Variants in CENPC observed in about 807,000 individuals in gnomAD.
The protein encoded by CENPC is CENP-C 1.
Under a neutral mutation model 112.1 loss-of-function variants are expected in CENPC, and 63 were observed. The observed-to-expected ratio is 0.56, with a 90% confidence interval of 0.46 to 0.69. The LOEUF is 0.69. Among genes scored for constraint, CENPC ranks in the 30% least tolerant of loss-of-function variants. The pLI is 0.00. For synonymous variants in CENPC, 333 were observed against 367.6 expected, an observed-to-expected ratio of 0.91 and a Z score of 1.08; for missense variants, 1,000 against 1,103.8, an observed-to-expected ratio of 0.91 and a Z score of 1.33.
chr4:67,545,479 G>T lies in CENPC; in HGVS notation c.-124C>A. The T allele has an allele frequency of 1.0e-6, 1 of 992,944 alleles. No homozygotes were observed. The highest frequency in any genetic ancestry group is 1.4e-6 in the Non-Finnish European group (1 of 735,374). 61.5% of individuals were successfully genotyped at this position (992,944 alleles called of 1,614,324 possible). On this transcript the variant is annotated 5_prime_UTR_variant, in exon 1 of 19. Transcript: ENST00000273853. ...GGCCGCGGCCAAGCAATAACCTTAA[G>T]TCTCAGGCGACTGCCGCGAGAGCTG...
chr4:67,507,492 T>C (rs1054060244), intron 10 of CENPC, among the ~76,000 whole-genome samples: 2 of 152,174 alleles, frequency 1.3e-5, no homozygotes, highest in Admixed American at 6.6e-5. Flanking sequence ...TAGGAACAAC[T>C]GTATGCCAAC....
chr4:67,522,985 G>A (rs1032027424), intron 5 of CENPC, among the ~76,000 whole-genome samples: 13 of 151,840 alleles, frequency 8.6e-5, no homozygotes, highest in African/African-American at 3.1e-4. Context: ...GGGTGATAAG[G>A]GCAAAATTCC....
Position 67,491,511 on chromosome 4 carries a change from A to AGG in CENPC, c.2515+668_2515+669insCC, listed in dbSNP as rs574725573. 7.3e-3 allele frequency among the ~76,000 whole-genome samples: 838 copies of AGG among 114,086 alleles called. 13 individuals are homozygous for AGG. Among genetic ancestry groups the AGG allele is most frequent in the East Asian group, 0.031 (55 of 1,782 alleles). 74.8% of individuals were successfully genotyped at this position (114,086 alleles called of 152,430 possible). ...GAGAGAGAGAGAGAGAGAGAGAGAG[A>AGG]GAGAGAGAGAGAGAGAGCCTGGTTG... On this transcript the variant is annotated intron_variant, in intron 16 of 18. Transcript: ENST00000273853.
At chr4:67,473,223 G>A (rs1011986493) in intron 18 of CENPC, among the ~76,000 whole-genome samples, 6 of 151,854 alleles carry the variant, frequency 4.0e-5, no homozygotes, top group Non-Finnish European at 8.8e-5. Context: ...GAGCCACCGC[G>A]CCCGGCCAAA....
At chr4:67,516,373 C>T (rs1424221130) in intron 7 of CENPC, among the ~76,000 whole-genome samples, 1 of 151,948 alleles carries the variant, frequency 6.6e-6, no homozygotes, top group Non-Finnish European at 1.5e-5. Context: ...AGCTGGCATA[C>T]GCACTCGTTT....
chr4:67,518,431 C>T, intron 6 of CENPC, 63 bp from the exon 7 acceptor site: 1 of 1,430,426 alleles, frequency 7.0e-7, no homozygotes, highest in Non-Finnish European at 9.1e-7. Flanking sequence ...TATAAGTCTT[C>T]CTGAACTCCT....
intron 9 of CENPC, among the ~76,000 whole-genome samples, chr4:67,509,690 CA>C (rs1725841061): frequency 6.6e-6 from 1 of 152,060 alleles, no homozygotes; most frequent in African/African-American, 2.4e-5. Context: ...TAATGCCTTT[CA>C]AATCTTTCAA....
intron 12 of CENPC, among the ~76,000 whole-genome samples, chr4:67,496,266 T>C (rs1376203091): frequency 6.6e-6 from 1 of 152,188 alleles, no homozygotes; most frequent in Non-Finnish European, 1.5e-5. Context: ...ATTTGAACTT[T>C]CAGATGACTC....
At chr4:67,511,366 G>A (rs1356885785) in intron 9 of CENPC, among the ~76,000 whole-genome samples, 1 of 152,096 alleles carries the variant, frequency 6.6e-6, no homozygotes, top group Non-Finnish European at 1.5e-5. Flanking sequence ...ATGCCCCAAA[G>A]TCAATAGTAT....
intron 10 of CENPC, among the ~76,000 whole-genome samples, chr4:67,507,536 C>T (rs1327706425): frequency 6.6e-6 from 1 of 152,096 alleles, no homozygotes; most frequent in Non-Finnish European, 1.5e-5. Flanking sequence ...GGACAAACTC[C>T]TAGAAAGACA....
At chr4:67,485,812 C>T (rs961063947) in intron 17 of CENPC, among the ~76,000 whole-genome samples, 5 of 152,058 alleles carry the variant, frequency 3.3e-5, no homozygotes, top group Non-Finnish European at 7.4e-5. Flanking sequence ...AATGAGACAG[C>T]GACTACTTTA....
At chr4:67,531,014 A>T in intron 4 of CENPC, 100 bp from the exon 5 acceptor site, 1 of 545,448 alleles carries the variant, frequency 1.8e-6, no homozygotes, top group East Asian at 3.4e-5. Context: ...AAGTATTCTA[A>T]AACAACAAAC....
intron 5 of CENPC, among the ~76,000 whole-genome samples, chr4:67,529,768 A>G (rs1726490695): frequency 6.6e-6 from 1 of 152,244 alleles, no homozygotes; most frequent in African/African-American, 2.4e-5. Flanking sequence ...TTGGAATTGG[A>G]TAAAACTAAA....
chr4:67,518,423 T>C (rs1249202028), intron 6 of CENPC, 55 bp from the exon 7 acceptor site: 16 of 1,443,796 alleles, frequency 1.1e-5, no homozygotes, highest in Non-Finnish European at 1.3e-5. Flanking sequence ...TCTTGAGTTA[T>C]AAGTCTTCCT....
At chr4:67,501,542 G>A (rs757915774) in intron 12 of CENPC, among the ~76,000 whole-genome samples, 3 of 152,100 alleles carry the variant, frequency 2.0e-5, no homozygotes, top group Admixed American at 1.3e-4. Context: ...TGCAGTCGAC[G>A]ATCCAGGACT....
At chr4:67,484,734 T>G (rs2109768338) in intron 17 of CENPC, among the ~76,000 whole-genome samples, 1 of 152,344 alleles carries the variant, frequency 6.6e-6, no homozygotes, top group East Asian at 1.9e-4. Context: ...TATTTTGTTT[T>G]TCCTTATTAC....
intron 16 of CENPC, among the ~76,000 whole-genome samples, chr4:67,491,304 G>A (rs1488806568): frequency 2.7e-5 from 4 of 150,758 alleles, no homozygotes; most frequent in Admixed American, 2.0e-4. Context: ...CTCCCAAGCA[G>A]CTGGGACTAC....
At chr4:67,532,188 CATA>C (rs752584491) in intron 4 of CENPC, among the ~76,000 whole-genome samples, 59 of 152,176 alleles carry the variant, frequency 3.9e-4, no homozygotes, top group Non-Finnish European at 8.1e-4. Flanking sequence ...AAATCAAAAC[CATA>C]ATGAGACACT....
chr4:67,516,788 T>C (rs1726070060), intron 7 of CENPC, among the ~76,000 whole-genome samples: 1 of 152,018 alleles, frequency 6.6e-6, no homozygotes, highest in Non-Finnish European at 1.5e-5. Flanking sequence ...TGAAACGCTT[T>C]GTAGCATTTA....
Sources: allele counts gnomAD v4.1 joint callset (sites outside exome capture counted in the v4.1 genomes callset), GRCh38; gene constraint gnomAD v4.1.1; transcripts MANE v1.5; gene names NCBI Gene and HGNC (gene_info 2026-07-23, HGNC 2026-07-21).